The following CAND2 variants were observed in gnomAD, a reference collection of about 807,000 sequenced individuals.
The protein encoded by CAND2 is cullin associated and neddylation dissociated 2 (putative).
CAND2 carries 62 observed loss-of-function variants against 98.9 expected under a neutral mutation model. The ratio of observed to expected loss-of-function variants is 0.63; its 90% CI spans 0.51 to 0.77. The LOEUF (loss-of-function observed/expected upper bound fraction) is 0.77. Among genes scored for constraint, CAND2 ranks in the 30% least tolerant of loss-of-function variants. CAND2 has a pLI of 0.00. For missense variants in CAND2, 1,501 were observed against 1,655.2 expected, an observed-to-expected ratio of 0.91 and a Z score of 1.62; for synonymous variants, 770 against 731.9, an observed-to-expected ratio of 1.05 and a Z score of -0.84.
chr3:12,805,701 AT>A (rs2061801640), intron 2 of CAND2, among the ~76,000 whole-genome samples: 1 of 152,262 alleles, frequency 6.6e-6, no homozygotes, highest in African/African-American at 2.4e-5. Flanking sequence ...AATGTGGTAT[AT>A]TAAAACAATG....
chr3:12,821,528 C>G (rs2061957071), intron 11 of CAND2, among the ~76,000 whole-genome samples: 1 of 152,240 alleles, frequency 6.6e-6, no homozygotes, highest in Admixed American at 6.5e-5. Context: ...CTAGCAAGGT[C>G]ATCGGCAGCA....
chr3:12,810,656 G>T (rs1023001502), intron 5 of CAND2, among the ~76,000 whole-genome samples: 1 of 152,234 alleles, frequency 6.6e-6, no homozygotes, highest in African/African-American at 2.4e-5. Flanking sequence ...CTTATGAGAC[G>T]TGGAGGCTGG....
In CAND2 at chr3:12,810,237, G is replaced by A. The variant is rs1160227033; in HGVS notation, c.670G>A (p.Gly224Ser). The A allele has an allele frequency of 6.5e-7, 1 of 1,530,388 alleles. No homozygotes were observed. Among genetic ancestry groups the A allele is most frequent in the East Asian group, 2.6e-5 (1 of 38,770 alleles). 94.8% of individuals were successfully genotyped at this position (1,530,388 alleles called of 1,614,324 possible). Reference sequence around the variant, plus strand: ...TGACCACCTACTGGACCGGCTGCCCGGCCCGCGGGTGCCCACCAGCCCGAC... The same window carrying A: ...TGACCACCTACTGGACCGGCTGCCCAGCCCGCGGGTGCCCACCAGCCCGAC... ...LADHLLDRLPGPRVPTSPTAI... is the reference protein window; with the variant it reads ...LADHLLDRLPSPRVPTSPTAI... Residue 224 changes from glycine (G) to serine (S), a missense_variant, in exon 5 of 15, where the codon GGC becomes AGC. Transcript: ENST00000456430.
intron 7 of CAND2, among the ~76,000 whole-genome samples, 153 bp downstream of exon 7, chr3:12,813,541 C>A (rs1014453896): frequency 6.6e-6 from 1 of 152,210 alleles, no homozygotes; most frequent in Admixed American, 6.5e-5. Context: ...ACTGCACAGA[C>A]CACAGTAATG....
intron 1 of CAND2, 116 bp downstream of exon 1, chr3:12,796,904 C>T (rs1575759901): frequency 2.4e-6 from 2 of 832,146 alleles, no homozygotes; most frequent in Non-Finnish European, 4.0e-6. Flanking sequence ...CCTCTTCTCT[C>T]TTCTCCCTGC....
chr3:12,812,961 T>A (rs1276888191), intron 5 of CAND2, 29 bp from the exon 6 acceptor site: 1 of 1,429,674 alleles, frequency 7.0e-7, no homozygotes, highest in Admixed American at 2.0e-5. Context: ...GTGTCTGGCT[T>A]GGGTTCAGTG....
chr3:12,822,552 G>C (rs1258653418), intron 11 of CAND2, among the ~76,000 whole-genome samples: 2 of 152,074 alleles, frequency 1.3e-5, no homozygotes, highest in Non-Finnish European at 2.9e-5. Flanking sequence ...ACTCACCTTA[G>C]CCTCCCAAAG....
intron 1 of CAND2, among the ~76,000 whole-genome samples, chr3:12,799,640 C>T (rs556400779): frequency 4.7e-4 from 71 of 152,278 alleles, no homozygotes; most frequent in African/African-American, 1.6e-3. Context: ...CTGACAAAGC[C>T]CTCTGCAGAC....
At position 12,825,622 on chromosome 3, in the gene CAND2, C is replaced by T. The variant is rs77920251; in HGVS notation, c.3193C>T (p.Arg1065Trp). ...PLLYQETKIR[R>W]DLIREVEMGP... ...CCTCTACCAGGAGACAAAGATCCGG[C>T]GGGACCTCATCCGAGAGGTGTGGAG... The change falls in exon 12 of 15, where the codon CGG becomes TGG. Residue 1065 changes from arginine (R) to tryptophan (W), a missense_variant. This residue lies in a region of CAND2 where 1,427 missense variants were observed against 1,545.3 expected (regional missense o/e 0.92). Coordinates refer to ENST00000456430, the MANE Select transcript of CAND2 (RefSeq NM_001162499.2). 4.6e-5 allele frequency: 74 copies of T among 1,602,042 alleles called. No homozygotes were observed. Among genetic ancestry groups the T allele is most frequent in the East Asian group, 3.1e-4 (14 of 44,556 alleles).
In CAND2 at chr3:12,815,355, A is replaced by C; in HGVS notation, c.1221A>C (p.Thr407=). Residue 407 remains threonine (T), a synonymous_variant, in exon 8 of 15, where the codon ACA becomes ACC. Transcript: ENST00000456430. The surrounding 1 kb of genome is among the most constrained non-coding windows in gnomAD (Gnocchi z 5.7). The part of the protein sequence containing the change: ...FTAYIVLLRQ[T]QPPKGWLEAM... Reference sequence around the variant, plus strand: ...CTTACATCGTGCTGCTGCGGCAAACACAGCCCCCGAAGGGATGGCTGGAGG... The same window carrying C: ...CTTACATCGTGCTGCTGCGGCAAACCCAGCCCCCGAAGGGATGGCTGGAGG... The C allele has an allele frequency of 6.2e-7, 1 of 1,613,938 alleles. No homozygotes were observed. The highest frequency in any genetic ancestry group is 2.2e-5 in the East Asian group (1 of 44,882).
In CAND2 at chr3:12,810,472, GC is replaced by G. The variant is rs1483612251; in HGVS notation, c.757+150del. The G allele has an allele frequency of 1.7e-5, 11 of 637,138 alleles. 1 individual carries two copies. Among genetic ancestry groups the G allele is most frequent in the South Asian group, 1.1e-4 (4 of 37,460 alleles). The allele number at this position is 637,138 out of a possible 1,614,324, so 39.5% of individuals were successfully genotyped here. On this transcript the variant is annotated intron_variant, in intron 5 of 14. Coordinates refer to ENST00000456430, the MANE Select transcript of CAND2 (RefSeq NM_001162499.2). ...GCCTTGGTAGGGAGGATGGGGCGGG[GC>G]CTGGGCTGATGTGGTGGGTGGGGCC...
intron 13 of CAND2, among the ~76,000 whole-genome samples, 186 bp downstream of exon 13, chr3:12,827,790 C>T (rs942118470): frequency 6.6e-6 from 1 of 151,964 alleles, no homozygotes; most frequent in Non-Finnish European, 1.5e-5. Context: ...CTACACTGGG[C>T]AGGCTCTTTG....
At chr3:12,803,006 T>G (rs1246169380) in intron 1 of CAND2, among the ~76,000 whole-genome samples, 1 of 150,578 alleles carries the variant, frequency 6.6e-6, no homozygotes, top group African/African-American at 2.4e-5. Flanking sequence ...TTTTTTTTTT[T>G]GGAGACGGAG....
intron 5 of CAND2, among the ~76,000 whole-genome samples, chr3:12,811,513 T>C (rs377422590): frequency 3.7e-4 from 57 of 152,224 alleles, no homozygotes; most frequent in African/African-American, 1.3e-3. Context: ...ACATGAATAA[T>C]GGTTTTGATA....
chr3:12,817,005 C>G lies in CAND2; in HGVS notation c.2073C>G (p.Ala691=). The G allele has an allele frequency of 6.2e-7, 1 of 1,613,042 alleles. No homozygotes were observed. The highest frequency in any genetic ancestry group is 8.5e-7 in the Non-Finnish European group (1 of 1,179,886). ...QSQGLSLPPS[A]VQAVLAELPA... is the part of the protein sequence containing the mutation. ...AGGGCCTCAGCCTCCCACCGTCTGC[C>G]GTGCAGGCCGTGCTGGCTGAGCTGC... The change falls in exon 10 of 15, where the codon GCC becomes GCG. Residue 691 remains alanine (A), a synonymous_variant. Transcript: ENST00000456430.
intron 5 of CAND2, 38 bp downstream of exon 5, chr3:12,810,362 G>A: frequency 7.1e-7 from 1 of 1,400,780 alleles, no homozygotes; most frequent in South Asian, 1.6e-5. Flanking sequence ...CTGGCATGGT[G>A]GGCGGAGCTT....
chr3:12,833,296 A>G (rs1490072912), intron 14 of CAND2, among the ~76,000 whole-genome samples: 1 of 152,196 alleles, frequency 6.6e-6, no homozygotes, highest in African/African-American at 2.4e-5. Flanking sequence ...TGCAAAACTG[A>G]TTGCGGGGCA....
At position 12,820,830 on chromosome 3, in the gene CAND2, C is replaced by A. The variant is rs554913937; in HGVS notation, c.3040+649C>A. Among the ~76,000 whole-genome samples the A allele has an allele frequency of 5.3e-5, 8 of 152,374 alleles. 1 individual carries two copies. The South Asian group carries it at 1.2e-3, about 24-fold the overall frequency. ...AGTCTCAGCCCACATCTAGGCAGGGCAGCCCAGTAGAGAGAGGTTTTGGAG... is the reference window on the plus strand; with the variant it reads ...AGTCTCAGCCCACATCTAGGCAGGGAAGCCCAGTAGAGAGAGGTTTTGGAG... On this transcript the variant is annotated intron_variant, in intron 11 of 14. Coordinates refer to ENST00000456430, the MANE Select transcript of CAND2 (RefSeq NM_001162499.2).
chr3:12,831,502 T>A lies in CAND2; in HGVS notation c.3413T>A (p.Leu1138Gln). The A allele has an allele frequency of 6.2e-7, 1 of 1,614,070 alleles. No individual in the cohort carries two copies. The highest frequency in any genetic ancestry group is 8.5e-7 in the Non-Finnish European group (1 of 1,179,990). The change falls in exon 14 of 15, where the codon CTG becomes CAG. Residue 1138 changes from leucine (L) to glutamine (Q), a missense_variant. Transcript: ENST00000456430. ...TFIMVARLAT[L>Q]CPAPVLQRVD... is the part of the protein sequence containing the mutation. The stretch of plus-strand genomic sequence containing the variant: ...ATCATGGTTGCCCGGCTGGCCACCC[T>A]GTGTCCTGCACCTGTCCTGCAGAGG...
Sources: gnomAD v4.1 joint callset for allele counts (sites outside exome capture counted in the v4.1 genomes callset) on GRCh38, gnomAD v4.1.1 for gene constraint, gnomAD v4.1.1 regional missense constraint, Gnocchi (gnomAD v3.1) non-coding constraint, MANE v1.5 for transcripts, NCBI Gene and HGNC (gene_info 2026-07-23, HGNC 2026-07-21) for gene names.